Variants in KAT6A observed in about 807,000 individuals in gnomAD.
KAT6A encodes the protein lysine acetyltransferase 6A.
A neutral mutation model predicts 198.4 loss-of-function variants in KAT6A; 9 were observed. The ratio of observed to expected loss-of-function variants is 0.05; its 90% CI spans 0.03 to 0.08. The LOEUF is 0.08. Among genes scored for constraint, KAT6A ranks in the 10% least tolerant of loss-of-function variants. The pLI is 1.00. For synonymous variants in KAT6A, 890 were observed against 883.0 expected (o/e 1.01, Z -0.14); for missense variants, 2,077 against 2,509.9 (o/e 0.83, Z 3.69).
chr8:42,038,819 C>G (rs1827498582), intron 2 of KAT6A, among the ~76,000 whole-genome samples: 1 of 152,210 alleles, frequency 6.6e-6, no homozygotes, highest in African/African-American at 2.4e-5. Context: ...GCCAGACTTA[C>G]TTTTCCTTAG....
At chr8:42,001,112 G>A (rs1357846004) in intron 2 of KAT6A, among the ~76,000 whole-genome samples, 1 of 152,138 alleles carries the variant, frequency 6.6e-6, no homozygotes, top group Non-Finnish European at 1.5e-5. Context: ...GTGTAGAATG[G>A]TTTAAACTTG....
rs1234201061 is a variant in KAT6A, at chr8:41,953,511, T to C, written c.1598+1785A>G. On this transcript the variant is annotated intron_variant, in intron 9 of 16. Coordinates refer to ENST00000265713, the MANE Select transcript of KAT6A (RefSeq NM_006766.5). ...CTTTTGAGATGGAGTTTCGCTCCTG[T>C]TGCCCAGGCGAGAGTGCAATGGCGC... Among the ~76,000 whole-genome samples the C allele has an allele frequency of 2.6e-5, 4 of 152,246 alleles. No individual in the cohort carries two copies. The East Asian group carries it at 5.8e-4, about 22-fold the overall frequency.
In KAT6A at chr8:41,933,645, C is replaced by T. The variant is rs1222687536; in HGVS notation, c.4575G>A (p.Gln1525=). Residue 1525 remains glutamine (Q), a synonymous_variant, in exon 17 of 17, where the codon CAG becomes CAA. Transcript: ENST00000265713. The surrounding 1 kb of genome is among the most constrained non-coding windows in gnomAD (Gnocchi z 6.2). ...EQGSLSAPSM[Q]NMETSPMMDV... is the part of the protein sequence containing the mutation. ...CCATCATGGGGCTGGTCTCCATGTT[C>T]TGCATAGAGGGTGCGGACAGGGATC... 3.7e-6 allele frequency: 6 copies of T among 1,614,026 alleles called. No individual in the cohort carries two copies. The highest frequency in any genetic ancestry group is 3.3e-5 in the Admixed American group (2 of 60,000).
chr8:42,000,867 C>T (rs1028064520), intron 2 of KAT6A, among the ~76,000 whole-genome samples: 3 of 152,188 alleles, frequency 2.0e-5, no homozygotes, highest in African/African-American at 7.2e-5. Context: ...TCAAACGGTG[C>T]ACATGACTAG....
chr8:42,033,769 G>A (rs936181624), intron 2 of KAT6A, among the ~76,000 whole-genome samples: 1 of 151,936 alleles, frequency 6.6e-6, no homozygotes, highest in African/African-American at 2.4e-5. Context: ...TCACTGTGCC[G>A]GCCCCTGGAA....
At chr8:41,954,962 T>C (rs1300807522) in intron 9 of KAT6A, among the ~76,000 whole-genome samples, 3 of 152,170 alleles carry the variant, frequency 2.0e-5, no homozygotes, top group Admixed American at 6.5e-5. Context: ...TATATTAATT[T>C]ATATATGAGT....
chr8:41,968,278 G>GA (rs1823610645), intron 8 of KAT6A, among the ~76,000 whole-genome samples: 1 of 151,862 alleles, frequency 6.6e-6, no homozygotes, highest in Non-Finnish European at 1.5e-5. Flanking sequence ...AAATTTACAA[G>GA]AAAAAAACAA....
At chr8:42,044,271 T>C (rs1211058522) in intron 2 of KAT6A, among the ~76,000 whole-genome samples, 2 of 151,948 alleles carry the variant, frequency 1.3e-5, no homozygotes, top group Admixed American at 6.6e-5. Flanking sequence ...GGGCTGATTT[T>C]TGTATTCTGT....
intron 2 of KAT6A, among the ~76,000 whole-genome samples, chr8:42,010,668 T>G (rs1825980001): frequency 6.6e-6 from 1 of 152,168 alleles, no homozygotes; most frequent in Non-Finnish European, 1.5e-5. Flanking sequence ...ACATCTGTTG[T>G]CCTAGTACTT....
At chr8:41,986,162 A>G (rs1824591087) in intron 3 of KAT6A, among the ~76,000 whole-genome samples, 1 of 152,102 alleles carries the variant, frequency 6.6e-6, no homozygotes, top group Non-Finnish European at 1.5e-5. Context: ...GATGGTCTCG[A>G]TCTCTTGACC....
At position 41,977,193 on chromosome 8, in the gene KAT6A, C is replaced by T; in HGVS notation, c.1178G>A (p.Cys393Tyr). The T allele has an allele frequency of 6.2e-7, 1 of 1,614,156 alleles. No homozygotes were observed. Among genetic ancestry groups the T allele is most frequent in the African/African-American group, 1.3e-5 (1 of 75,056 alleles). ...CTTCAAGGAGACATTGCTATCTCTG[C>T]AGAAGTCCAAGCCATCTATCCGCTC... Reference protein sequence around the residue: ...YLERIDGLDFCRDSNVSLKFN... With the variant: ...YLERIDGLDFYRDSNVSLKFN... Residue 393 changes from cysteine (C) to tyrosine (Y), a missense_variant, in exon 7 of 17, where the codon TGC becomes TAC. By Grantham distance (194) the Cys-to-Tyr change is radical (BLOSUM62 -2). Coordinates refer to ENST00000265713, the MANE Select transcript of KAT6A (RefSeq NM_006766.5).
chr8:41,950,851 C>A (rs1214623660), intron 9 of KAT6A, among the ~76,000 whole-genome samples: 1 of 151,452 alleles, frequency 6.6e-6, no homozygotes, highest in East Asian at 1.9e-4. Context: ...TCATGTTGTA[C>A]ATGATAAATA....
chr8:42,051,082 C>A (rs1802601586), intron 1 of KAT6A, among the ~76,000 whole-genome samples: 1 of 152,148 alleles, frequency 6.6e-6, no homozygotes, highest in Non-Finnish European at 1.5e-5. Flanking sequence ...TGGAAACAGA[C>A]CCCGAGCACA....
chr8:42,005,796 A>ACACACACATACT (rs71239089), intron 2 of KAT6A, among the ~76,000 whole-genome samples: 1 of 148,794 alleles, frequency 6.7e-6, no homozygotes, highest in African/African-American at 2.5e-5. Context: ...ACACACACAC[A>ACACACACATACT]CACTCACTCT....
chr8:42,022,524 T>C (rs933561613), intron 2 of KAT6A, among the ~76,000 whole-genome samples: 3 of 152,138 alleles, frequency 2.0e-5, no homozygotes, highest in African/African-American at 7.2e-5. Context: ...AGTGAAAGCA[T>C]GTAGTCAAAA....
intron 8 of KAT6A, among the ~76,000 whole-genome samples, chr8:41,970,671 G>A (rs569594114): frequency 1.2e-4 from 18 of 152,276 alleles, no homozygotes; most frequent in Admixed American, 2.0e-4. Flanking sequence ...TGGCGAATCC[G>A]CAAGGATCTA....
chr8:41,964,249 C>T (rs773701336), intron 8 of KAT6A, among the ~76,000 whole-genome samples: 1 of 151,910 alleles, frequency 6.6e-6, no homozygotes, highest in Non-Finnish European at 1.5e-5. Context: ...TAAGATGAGG[C>T]CAAGTAATTA....
rs1414431709 is a variant in KAT6A at position 41,941,224 on chromosome 8, A to T, written c.2657T>A (p.Leu886Gln). ...QERFGDKDSK[L>Q]LLEETSSAPQ... ...AGCTGAAGACGTCTCTTCCAAGAGC[A>T]GTTTAGAATCTTTATCACCAAAACG... The change falls in exon 15 of 17, where the codon CTG becomes CAG. Residue 886 changes from leucine (L) to glutamine (Q), a missense_variant. Around this residue, in one of 13 missense-constraint regions of KAT6A, gnomAD observed 301 missense variants for 272.2 expected, o/e 1.11. Transcript: ENST00000265713. The T allele has an allele frequency of 2.1e-5, 34 of 1,614,134 alleles. No homozygotes were observed. Among genetic ancestry groups the T allele is most frequent in the Non-Finnish European group, 2.9e-5 (34 of 1,180,024 alleles).
At chr8:41,941,726 C>T (rs562657808) in intron 14 of KAT6A, among the ~76,000 whole-genome samples, 88 of 152,272 alleles carry the variant, frequency 5.8e-4, no homozygotes, top group African/African-American at 2.0e-3. Context: ...TAATCTGCCC[C>T]AGGTCACGCA....
Sources: gnomAD v4.1 joint callset for allele counts (sites outside exome capture counted in the v4.1 genomes callset) on GRCh38, gnomAD v4.1.1 for gene constraint, gnomAD v4.1.1 regional missense constraint, Gnocchi (gnomAD v3.1) non-coding constraint, MANE v1.5 for transcripts, NCBI Gene and HGNC (gene_info 2026-07-23, HGNC 2026-07-21) for gene names.